LY86: variants seen among roughly 807,000 people sequenced by gnomAD.
The protein encoded by LY86 is MD-1, RP105-associated.
LY86 carries 20 observed loss-of-function variants against 17.3 expected under a neutral mutation model. That is an observed-to-expected ratio of 1.15 (90% CI 0.81 to 1.68). The LOEUF (loss-of-function observed/expected upper bound fraction) is 1.68. Among genes scored for constraint, LY86 ranks in the 40% most tolerant of loss-of-function variants. The pLI, the probability that LY86 is intolerant of heterozygous loss-of-function variation, is 0.00. For missense variants in LY86, 200 were observed against 191.9 expected (o/e 1.04, Z -0.25); for synonymous variants, 74 against 70.6 (o/e 1.05, Z -0.24).
chr6:6,648,846 G>A (rs1762145136), intron 3 of LY86, among the ~76,000 whole-genome samples: 1 of 151,616 alleles, frequency 6.6e-6, no homozygotes, highest in Non-Finnish European at 1.5e-5. Context: ...TTAACCCTGA[G>A]TAACCTGGAT....
At chr6:6,597,550 T>A (rs1472928396) in intron 1 of LY86, among the ~76,000 whole-genome samples, 1 of 152,220 alleles carries the variant, frequency 6.6e-6, no homozygotes, top group Non-Finnish European at 1.5e-5. Flanking sequence ...CCCTGATCCA[T>A]TAGCTTTGAC....
chr6:6,607,809 A>G (rs1009544617), intron 1 of LY86, among the ~76,000 whole-genome samples: 6 of 152,078 alleles, frequency 3.9e-5, no homozygotes, highest in African/African-American at 7.2e-5. Flanking sequence ...TTGAGGCAGG[A>G]GAATCGCTTG....
intron 1 of LY86, among the ~76,000 whole-genome samples, chr6:6,602,866 G>C (rs942828560): frequency 6.6e-6 from 1 of 152,202 alleles, no homozygotes; most frequent in Non-Finnish European, 1.5e-5. Context: ...CTCAAGCAAA[G>C]AGTTATAGGT....
chr6:6,608,228 T>C (rs1157600702), intron 1 of LY86, among the ~76,000 whole-genome samples: 2 of 152,252 alleles, frequency 1.3e-5, no homozygotes. Context: ...AAAAATACTA[T>C]TATGTGCATA....
At chr6:6,595,924 C>A (rs1229846200) in intron 1 of LY86, among the ~76,000 whole-genome samples, 2 of 152,164 alleles carry the variant, frequency 1.3e-5, no homozygotes, top group Non-Finnish European at 2.9e-5. Flanking sequence ...GACCTGGCAG[C>A]CCCCTGGAAG....
At chr6:6,604,444 G>A (rs1468238499) in intron 1 of LY86, among the ~76,000 whole-genome samples, 2 of 152,058 alleles carry the variant, frequency 1.3e-5, no homozygotes, top group African/African-American at 2.4e-5. Flanking sequence ...TTGTTGAAAT[G>A]AAAAAATAAT....
chr6:6,596,896 A>AG (rs1760731461), intron 1 of LY86, among the ~76,000 whole-genome samples: 1 of 152,200 alleles, frequency 6.6e-6, no homozygotes, highest in African/African-American at 2.4e-5. Flanking sequence ...GAACCTAGAG[A>AG]GGGAAAAAAG....
At chr6:6,596,955 T>C (rs562993825) in intron 1 of LY86, among the ~76,000 whole-genome samples, 57 of 152,232 alleles carry the variant, frequency 3.7e-4, no homozygotes, top group Non-Finnish European at 5.7e-4. Context: ...CAGGAAACGT[T>C]TTCCCAAACG....
At chr6:6,635,727 G>A (rs1761950221) in intron 3 of LY86, among the ~76,000 whole-genome samples, 1 of 152,160 alleles carries the variant, frequency 6.6e-6, no homozygotes, top group South Asian at 2.1e-4. Flanking sequence ...ACTGCTGCCA[G>A]TATCCCCAGT....
chr6:6,604,271 G>T (rs1761020838), intron 1 of LY86, among the ~76,000 whole-genome samples: 1 of 151,798 alleles, frequency 6.6e-6, no homozygotes, highest in Non-Finnish European at 1.5e-5. Context: ...CCAAACTGTA[G>T]AATTCTACAT....
intron 3 of LY86, among the ~76,000 whole-genome samples, chr6:6,644,197 C>T (rs749917647): frequency 6.6e-6 from 1 of 152,160 alleles, no homozygotes; most frequent in Non-Finnish European, 1.5e-5. Context: ...GCTGCATCTG[C>T]GCTGGTTATT....
At chr6:6,610,699 T>G (rs1370680869) in intron 1 of LY86, among the ~76,000 whole-genome samples, 1 of 152,150 alleles carries the variant, frequency 6.6e-6, no homozygotes, top group African/African-American at 2.4e-5. Context: ...TTGTGGGGTG[T>G]GTGTGTGCAT....
chr6:6,608,909 G>A (rs1278407307), intron 1 of LY86, among the ~76,000 whole-genome samples: 1 of 152,178 alleles, frequency 6.6e-6, no homozygotes, highest in African/African-American at 2.4e-5. Context: ...TATTTTTCAT[G>A]GCAGCTTGCT....
At chr6:6,644,849 G>C (rs761779877) in intron 3 of LY86, among the ~76,000 whole-genome samples, 1 of 152,090 alleles carries the variant, frequency 6.6e-6, no homozygotes, top group Non-Finnish European at 1.5e-5. Flanking sequence ...GAATTGGAGA[G>C]GATCTGAGAA....
intron 1 of LY86, among the ~76,000 whole-genome samples, chr6:6,611,903 C>CA (rs900795318): frequency 6.6e-6 from 1 of 152,166 alleles, no homozygotes. Context: ...AGAAAAAAAT[C>CA]AGACTGCTGC....
chr6:6,598,277 CAA>C, intron 1 of LY86, among the ~76,000 whole-genome samples: 1 of 152,248 alleles, frequency 6.6e-6, no homozygotes, highest in African/African-American at 2.4e-5. Flanking sequence ...CAAATTATCA[CAA>C]AATTATTCAA....
At chr6:6,617,879 C>T (rs922777534) in intron 1 of LY86, among the ~76,000 whole-genome samples, 5 of 152,196 alleles carry the variant, frequency 3.3e-5, no homozygotes, top group African/African-American at 1.2e-4. Flanking sequence ...CTCACTCTGT[C>T]GCTCAGGTTG....
intron 3 of LY86, among the ~76,000 whole-genome samples, chr6:6,647,195 C>A (rs572931980): frequency 6.6e-6 from 1 of 152,202 alleles, no homozygotes; most frequent in Non-Finnish European, 1.5e-5. Flanking sequence ...GAGTAATATT[C>A]ATGCTTCTCT....
At chr6:6,600,587 CAAAAAAAAAAAAAAAAAAAAAAAAAA>C (rs59560744) in intron 1 of LY86, among the ~76,000 whole-genome samples, 12 of 82,452 alleles carry the variant, frequency 1.5e-4, no homozygotes, top group South Asian at 4.2e-4. Flanking sequence ...GAGACTCCAT[CAAAAAAAAAAAAAAAAAAAAAAAAAA>C]AAAAAAAAAA....
Sources: gnomAD v4.1 joint callset for allele counts (sites outside exome capture counted in the v4.1 genomes callset) on GRCh38, gnomAD v4.1.1 for gene constraint, MANE v1.5 for transcripts, NCBI Gene and HGNC (gene_info 2026-07-23, HGNC 2026-07-21) for gene names.